The following RNF220 variants were observed in gnomAD, a reference collection of about 807,000 sequenced individuals.
RNF220 encodes ring finger protein 220.
A neutral mutation model predicts 67.1 loss-of-function variants in RNF220; 7 were observed. That is an observed-to-expected ratio of 0.10 (90% CI 0.06 to 0.20). RNF220 has a LOEUF of 0.20. Among genes scored for constraint, RNF220 ranks in the 10% least tolerant of loss-of-function variants. The pLI is 1.00. For synonymous variants in RNF220, 270 were observed against 283.2 expected (o/e 0.95, Z 0.47); for missense variants, 565 against 740.3 (o/e 0.76, Z 2.75).
At chr1:44,634,727 A>G (rs1455754795) in intron 6 of RNF220, among the ~76,000 whole-genome samples, 2 of 152,226 alleles carry the variant, frequency 1.3e-5, no homozygotes, top group African/African-American at 4.8e-5. Flanking sequence ...ATTAGAAATG[A>G]TTGCATTGCT....
At chr1:44,465,600 G>T (rs1654204586) in intron 2 of RNF220, among the ~76,000 whole-genome samples, 1 of 151,904 alleles carries the variant, frequency 6.6e-6, no homozygotes, top group Non-Finnish European at 1.5e-5. Flanking sequence ...TATCAGATTG[G>T]CAGAGATCAA....
intron 2 of RNF220, among the ~76,000 whole-genome samples, chr1:44,584,114 G>T (rs567222217): frequency 1.3e-5 from 2 of 152,302 alleles, no homozygotes; most frequent in South Asian, 4.1e-4. Context: ...AAGACACCAA[G>T]GTCACCTGAA....
chr1:44,649,873 T>C lies in RNF220; in HGVS notation c.1555-10T>C. ...TCAGAGTGACCCCTTCTCTGCCCCCTCCTCCCTAGGACTCGTACTCGATGC... is the reference window on the plus strand; with the variant it reads ...TCAGAGTGACCCCTTCTCTGCCCCCCCCTCCCTAGGACTCGTACTCGATGC... On this transcript the variant is annotated splice_polypyrimidine_tract_variant and intron_variant, in intron 13 of 14. Transcript: ENST00000361799. This position sits in a 1 kb window ranked among gnomAD's most constrained non-coding sequence, Gnocchi z 5.9. The C allele has an allele frequency of 6.2e-7, 1 of 1,613,894 alleles. No homozygotes were observed. The highest frequency in any genetic ancestry group is 8.5e-7 in the Non-Finnish European group (1 of 1,179,918).
rs1643888608 is a variant in RNF220 at position 44,624,652 on chromosome 1, A to G, written c.805-1645A>G. 6.6e-6 allele frequency among the ~76,000 whole-genome samples: 1 copy of G among 152,106 alleles called. No homozygotes were observed. Among genetic ancestry groups the G allele is most frequent in the Non-Finnish European group, 1.5e-5 (1 of 68,030 alleles). On this transcript the variant is annotated intron_variant, in intron 4 of 14. Coordinates refer to ENST00000361799, the MANE Select transcript of RNF220 (RefSeq NM_018150.4). The surrounding 1 kb of genome is among the most constrained non-coding windows in gnomAD (Gnocchi z 4.2). ...GAGGCGAGAGAGAGAAGGTTCAAGC[A>G]AGAGACTGAAAGGACAGGGAGAAGG...
intron 2 of RNF220, among the ~76,000 whole-genome samples, chr1:44,442,044 T>A (rs1651613327): frequency 6.6e-6 from 1 of 152,246 alleles, no homozygotes; most frequent in South Asian, 2.1e-4. Context: ...ATTATAACTC[T>A]TAACCTTGAC....
At chr1:44,608,070 C>T (rs1386281970) in intron 2 of RNF220, among the ~76,000 whole-genome samples, 5 of 152,078 alleles carry the variant, frequency 3.3e-5, no homozygotes, top group South Asian at 4.2e-4. Flanking sequence ...ACTACAGGCA[C>T]ATGCCACCAC....
At chr1:44,424,712 C>T (rs768206469) in intron 2 of RNF220, among the ~76,000 whole-genome samples, 1 of 152,204 alleles carries the variant, frequency 6.6e-6, no homozygotes, top group African/African-American at 2.4e-5. Context: ...ACTGCTCCTC[C>T]TCGGATTGCC....
chr1:44,409,268 TA>T (rs1647727750), intron 1 of RNF220, among the ~76,000 whole-genome samples: 3 of 150,006 alleles, frequency 2.0e-5, no homozygotes, highest in African/African-American at 7.6e-5. Context: ...TTTAACTCAA[TA>T]TTTGTTGGTC....
At chr1:44,545,209 C>T (rs1010758224) in intron 2 of RNF220, among the ~76,000 whole-genome samples, 2 of 152,086 alleles carry the variant, frequency 1.3e-5, no homozygotes, top group East Asian at 1.9e-4. Flanking sequence ...AAAGGGAACT[C>T]GGAGATGTGC....
intron 2 of RNF220, among the ~76,000 whole-genome samples, chr1:44,450,803 A>C (rs1342163640): frequency 6.6e-6 from 1 of 152,184 alleles, no homozygotes; most frequent in Non-Finnish European, 1.5e-5. Context: ...TTTTATAGAC[A>C]CATCTAGTTA....
intron 2 of RNF220, among the ~76,000 whole-genome samples, chr1:44,437,835 C>T (rs1274963209): frequency 6.6e-6 from 1 of 152,128 alleles, no homozygotes; most frequent in Non-Finnish European, 1.5e-5. Context: ...GACAGACAGG[C>T]CTGGATTTGA....
intron 2 of RNF220, among the ~76,000 whole-genome samples, chr1:44,534,899 T>C (rs1369557834): frequency 1.3e-5 from 2 of 152,150 alleles, no homozygotes; most frequent in Non-Finnish European, 2.9e-5. Context: ...AGAACATACC[T>C]GGAACAGAAA....
chr1:44,432,680 G>C (rs1650518249), intron 2 of RNF220, among the ~76,000 whole-genome samples: 1 of 152,110 alleles, frequency 6.6e-6, no homozygotes, highest in Admixed American at 6.6e-5. Context: ...GGGCTCAAGT[G>C]ATCTTCGTGC....
intron 2 of RNF220, among the ~76,000 whole-genome samples, chr1:44,576,786 C>T (rs1355271649): frequency 1.3e-5 from 2 of 152,178 alleles, no homozygotes; most frequent in African/African-American, 2.4e-5. Flanking sequence ...CTTGTTATTT[C>T]AGCCGGACAA....
intron 8 of RNF220, among the ~76,000 whole-genome samples, chr1:44,639,602 T>C (rs1296074913): frequency 6.6e-6 from 1 of 152,018 alleles, no homozygotes; most frequent in Non-Finnish European, 1.5e-5. Flanking sequence ...AAAAGAAGGG[T>C]GTTAAGACAG....
rs1450407110 is a variant in RNF220 at position 44,624,651 on chromosome 1, C to T, written c.805-1646C>T. Among the ~76,000 whole-genome samples the T allele has an allele frequency of 6.6e-6, 1 of 151,834 alleles. No individual in the cohort carries two copies. Among genetic ancestry groups the T allele is most frequent in the African/African-American group, 2.4e-5 (1 of 41,302 alleles). On this transcript the variant is annotated intron_variant, in intron 4 of 14. Coordinates refer to ENST00000361799, the MANE Select transcript of RNF220 (RefSeq NM_018150.4). The surrounding 1 kb of genome is among the most constrained non-coding windows in gnomAD (Gnocchi z 4.2). ...AGAGGCGAGAGAGAGAAGGTTCAAG[C>T]AAGAGACTGAAAGGACAGGGAGAAG...
chr1:44,597,097 G>C (rs76705946), intron 2 of RNF220, among the ~76,000 whole-genome samples: 2 of 152,166 alleles, frequency 1.3e-5, no homozygotes, highest in East Asian at 3.8e-4. Context: ...CAGATGCTGT[G>C]CTATAGAGTG....
intron 2 of RNF220, among the ~76,000 whole-genome samples, chr1:44,560,274 G>C (rs1005558446): frequency 1.3e-5 from 2 of 152,128 alleles, no homozygotes; most frequent in African/African-American, 4.8e-5. Flanking sequence ...GCTCTCCCCA[G>C]TTCAGATGTT....
chr1:44,515,296 T>C (rs980956960), intron 2 of RNF220, among the ~76,000 whole-genome samples: 5 of 152,194 alleles, frequency 3.3e-5, no homozygotes, highest in African/African-American at 7.2e-5. Context: ...AATGGGGCTC[T>C]TAGAGCTGTG....
Sources: gnomAD v4.1 joint callset for allele counts (sites outside exome capture counted in the v4.1 genomes callset) on GRCh38, gnomAD v4.1.1 for gene constraint, Gnocchi (gnomAD v3.1) non-coding constraint, MANE v1.5 for transcripts, NCBI Gene and HGNC (gene_info 2026-07-23, HGNC 2026-07-21) for gene names.